TENM2: variants seen among roughly 807,000 people sequenced by gnomAD.
TENM2 encodes teneurin transmembrane protein 2, also known as teneurin-2.
TENM2 carries 52 observed loss-of-function variants against 245.2 expected under a neutral mutation model. The ratio of observed to expected loss-of-function variants is 0.21; its 90% confidence interval spans 0.17 to 0.27. TENM2 has a LOEUF of 0.27. Ranked by LOEUF, TENM2 falls within the 10% of genes least tolerant of loss-of-function variation. TENM2 has a pLI of 1.00. For synonymous variants in TENM2, 1,363 were observed against 1,438.9 expected (o/e 0.95, Z 1.19); for missense variants, 3,046 against 3,666.8 (o/e 0.83, Z 4.37).
chr5:167,348,168 C>A (rs1245219309), intron 1 of TENM2, among the ~76,000 whole-genome samples: 1 of 152,260 alleles, frequency 6.6e-6, no homozygotes, highest in African/African-American at 2.4e-5. Context: ...TCTTTGAAAG[C>A]CCCAGCTAAT....
the TENM2 span, among the ~76,000 whole-genome samples, chr5:167,084,356 T>TATATATATATAC: frequency 9.0e-6 from 1 of 111,568 alleles, no homozygotes. Flanking sequence ...TATATATATA[T>TATATATATATAC]ATATATATAT....
chr5:167,157,749 G>A, the TENM2 span, among the ~76,000 whole-genome samples: 2 of 152,136 alleles, frequency 1.3e-5, no homozygotes, highest in Non-Finnish European at 2.9e-5. Flanking sequence ...TTTTAGAGGC[G>A]AACTTTTTTA....
At chr5:167,259,280 A>G in the TENM2 span, among the ~76,000 whole-genome samples, 2 of 152,204 alleles carry the variant, frequency 1.3e-5, no homozygotes, top group East Asian at 1.9e-4. Context: ...CTGGAGACAC[A>G]TATAGTTGGA....
intron 5 of TENM2, among the ~76,000 whole-genome samples, chr5:168,028,349 A>C (rs1314320665): frequency 6.6e-6 from 1 of 152,162 alleles, no homozygotes; most frequent in Non-Finnish European, 1.5e-5. Flanking sequence ...CAGTTTTGAC[A>C]CTTTGTGGAA....
chr5:167,371,358 C>CT (rs35083581), intron 1 of TENM2, among the ~76,000 whole-genome samples: 21,357 of 119,826 alleles, frequency 0.18, 1,872 homozygotes, highest in Non-Finnish European at 0.21. Flanking sequence ...TCTTTCTTTT[C>CT]TTTTTTTTTT....
chr5:167,413,477 T>C lies in TENM2; in HGVS notation c.502+38004T>C, dbSNP rs971249111. 4.6e-5 allele frequency among the ~76,000 whole-genome samples: 7 copies of C among 152,274 alleles called. No homozygotes were observed. In the South Asian group the frequency reaches 1.5e-3, roughly 32 times the overall value. On this transcript the variant is annotated intron_variant, in intron 2 of 28. Transcript: ENST00000518659. The stretch of plus-strand genomic sequence containing the variant: ...CAATTTGTGACACCTTGCTATTGCA[T>C]TATTATCCATGCTTACGAGGCTGGT...
At chr5:167,419,071 C>T (rs1481132660) in intron 2 of TENM2, among the ~76,000 whole-genome samples, 1 of 151,910 alleles carries the variant, frequency 6.6e-6, no homozygotes, top group Admixed American at 6.6e-5. Context: ...CGTTTCATAT[C>T]ATAAAATACA....
At chr5:167,742,857 A>G (rs529665773) in intron 2 of TENM2, among the ~76,000 whole-genome samples, 1 of 151,954 alleles carries the variant, frequency 6.6e-6, no homozygotes, top group South Asian at 2.1e-4. Context: ...AGTCCCAGCT[A>G]CTCAGGAGGC....
intron 2 of TENM2, among the ~76,000 whole-genome samples, chr5:167,656,485 G>A (rs1370615810): frequency 6.6e-6 from 1 of 152,124 alleles, no homozygotes; most frequent in Non-Finnish European, 1.5e-5. Flanking sequence ...AAAGAATGAA[G>A]TTTATGAGGG....
At chr5:167,421,589 C>T (rs998012691) in intron 2 of TENM2, among the ~76,000 whole-genome samples, 5 of 152,146 alleles carry the variant, frequency 3.3e-5, no homozygotes, top group South Asian at 2.1e-4. Flanking sequence ...AGAGTGTGGA[C>T]GTTGGCGACT....
At chr5:167,737,455 T>C (rs778362135) in intron 2 of TENM2, among the ~76,000 whole-genome samples, 43 of 152,234 alleles carry the variant, frequency 2.8e-4, no homozygotes, top group Non-Finnish European at 5.4e-4. Context: ...CTTTCGAAGG[T>C]CCATGCTGGT....
At chr5:167,891,734 T>G (rs549848255) in intron 3 of TENM2, among the ~76,000 whole-genome samples, 1 of 152,314 alleles carries the variant, frequency 6.6e-6, no homozygotes, top group East Asian at 1.9e-4. Context: ...ACACCTATCA[T>G]GTGTCCACCA....
intron 3 of TENM2, among the ~76,000 whole-genome samples, chr5:167,943,914 C>A (rs1184183334): frequency 6.6e-6 from 1 of 152,130 alleles, no homozygotes; most frequent in Non-Finnish European, 1.5e-5. Flanking sequence ...CTCAGATAGG[C>A]ACTGCTCAGA....
intron 5 of TENM2, among the ~76,000 whole-genome samples, chr5:168,004,492 T>A (rs1476284458): frequency 7.0e-6 from 1 of 142,106 alleles, no homozygotes; most frequent in African/African-American, 2.8e-5. Flanking sequence ...CAGCCCCCAT[T>A]TGGGATGCAC....
the TENM2 span, among the ~76,000 whole-genome samples, chr5:167,251,871 A>G: frequency 6.6e-6 from 1 of 152,154 alleles, no homozygotes; most frequent in African/African-American, 2.4e-5. Context: ...AATCCTCTCA[A>G]AGGCCTGAAG....
chr5:167,388,074 A>C (rs1172433945), intron 2 of TENM2, among the ~76,000 whole-genome samples: 1 of 152,004 alleles, frequency 6.6e-6, no homozygotes, highest in African/African-American at 2.4e-5. Context: ...TATCTTGTGG[A>C]ATAGTGTCAA....
the TENM2 span, among the ~76,000 whole-genome samples, chr5:167,050,915 G>T: frequency 6.6e-6 from 1 of 152,044 alleles, no homozygotes; most frequent in Non-Finnish European, 1.5e-5. Flanking sequence ...ATAAGTTCTG[G>T]CAAAAGTTTG....
chr5:167,190,528 G>A, the TENM2 span, among the ~76,000 whole-genome samples: 1 of 152,042 alleles, frequency 6.6e-6, no homozygotes, highest in African/African-American at 2.4e-5. Context: ...AGCCAAGCTG[G>A]AATCTGTATT....
chr5:168,229,142 A>G (rs961541579), intron 25 of TENM2, among the ~76,000 whole-genome samples: 5 of 151,726 alleles, frequency 3.3e-5, no homozygotes, highest in South Asian at 2.1e-4. Context: ...AACTTTTTCA[A>G]TAGCCCCACG....
Sources: allele counts gnomAD v4.1 joint callset (sites outside exome capture counted in the v4.1 genomes callset), GRCh38; gene constraint gnomAD v4.1.1; transcripts MANE v1.5; gene names NCBI Gene and HGNC (gene_info 2026-07-23, HGNC 2026-07-21).